Variants in DAPK2 observed in about 807,000 individuals in gnomAD.
DAPK2 encodes the protein death-associated protein kinase 2.
Under a neutral mutation model 44.1 loss-of-function variants are expected in DAPK2, and 35 were observed. The observed-to-expected ratio is 0.79, with a 90% CI of 0.61 to 1.05. The LOEUF is 1.05. Among genes scored for constraint, DAPK2 ranks in the 50% least tolerant of loss-of-function variants. DAPK2 has a pLI of 0.00. For synonymous variants in DAPK2, 174 were observed against 182.6 expected, an observed-to-expected ratio of 0.95 and a Z score of 0.38; for missense variants, 453 against 483.2, an observed-to-expected ratio of 0.94 and a Z score of 0.59.
In DAPK2 at chr15:64,022,398, G is replaced by A. The variant is rs559467465; in HGVS notation, c.92+17772C>T. 6.6e-5 allele frequency among the ~76,000 whole-genome samples: 10 copies of A among 152,312 alleles called. No individual in the cohort carries two copies. The East Asian group carries it at 9.6e-4, about 15-fold the overall frequency. ...GAGCTTCCTAAAGAGAGCATTAGCC[G>A]GAATTAAGGCTTGAGCTAGGATACA... On this transcript the variant is annotated intron_variant, in intron 1 of 10. Coordinates refer to ENST00000261891, the Ensembl canonical transcript of DAPK2.
chr15:63,954,597 T>C (rs932072507), intron 3 of DAPK2, among the ~76,000 whole-genome samples: 11 of 152,232 alleles, frequency 7.2e-5, no homozygotes, highest in African/African-American at 2.7e-4. Flanking sequence ...TCCTCCACTT[T>C]TGTTCTTTTT....
chr15:63,956,938 G>A (rs1354566395), intron 3 of DAPK2, among the ~76,000 whole-genome samples: 1 of 152,194 alleles, frequency 6.6e-6, no homozygotes, highest in African/African-American at 2.4e-5. Flanking sequence ...CCATGCTTGA[G>A]AATGATCCAT....
At chr15:64,015,051 T>C (rs964594026) in intron 1 of DAPK2, among the ~76,000 whole-genome samples, 4 of 151,352 alleles carry the variant, frequency 2.6e-5, no homozygotes, top group Admixed American at 6.6e-5. Context: ...CAGGGAATGA[T>C]GGGGAGGGAG....
At position 63,990,846 on chromosome 15, in the gene DAPK2, T is replaced by C. The variant is rs1469652008; in HGVS notation, c.93-7092A>G. 2.0e-5 allele frequency among the ~76,000 whole-genome samples: 3 copies of C among 152,176 alleles called. No individual in the cohort carries two copies. The highest frequency in any genetic ancestry group is 4.4e-5 in the Non-Finnish European group (3 of 68,040). ...CAAAGGCAGGAGCAGCTCAAAGCTGTAGTCCACAAGAACCAGGTCAGCCTG... is the reference window on the plus strand; with the variant it reads ...CAAAGGCAGGAGCAGCTCAAAGCTGCAGTCCACAAGAACCAGGTCAGCCTG... On this transcript the variant is annotated intron_variant, in intron 1 of 10. Coordinates refer to ENST00000261891, the Ensembl canonical transcript of DAPK2. This position sits in a 1 kb window ranked among gnomAD's most constrained non-coding sequence, Gnocchi z 4.3.
At chr15:63,909,178 C>T (rs554869394) in intron 10 of DAPK2, 4 of 152,248 alleles carry the variant, frequency 2.6e-5, no homozygotes, top group East Asian at 3.9e-4. Context: ...GCAGCCACCC[C>T]GAGGCCATAA....
intron 1 of DAPK2, among the ~76,000 whole-genome samples, chr15:64,032,811 C>T (rs770052785): frequency 5.9e-5 from 9 of 151,868 alleles, no homozygotes; most frequent in Non-Finnish European, 1.2e-4. Flanking sequence ...ATTAGGTGGG[C>T]GTGGTGGTTC....
At chr15:63,944,193 C>T (rs1209986128) in intron 3 of DAPK2, among the ~76,000 whole-genome samples, 1 of 152,244 alleles carries the variant, frequency 6.6e-6, no homozygotes, top group South Asian at 2.1e-4. Context: ...TGGAAGGTGG[C>T]CGTGGGGCAG....
At chr15:64,031,607 G>T (rs1168774309) in intron 1 of DAPK2, among the ~76,000 whole-genome samples, 1 of 152,236 alleles carries the variant, frequency 6.6e-6, no homozygotes, top group Non-Finnish European at 1.5e-5. Flanking sequence ...GCATGTGTAT[G>T]ATCAGAGAGG....
At chr15:64,036,319 G>GTATATATATA (rs57218056) in intron 1 of DAPK2, among the ~76,000 whole-genome samples, 18 of 56,642 alleles carry the variant, frequency 3.2e-4, no homozygotes, top group African/African-American at 6.5e-4. Context: ...GTATATATAT[G>GTATATATATA]TATATATATA....
At chr15:64,041,644 A>G (rs989300790), upstream of DAPK2, among the ~76,000 whole-genome samples, 4 of 152,204 alleles carry the variant, frequency 2.6e-5, no homozygotes, top group Non-Finnish European at 5.9e-5. Flanking sequence ...TGCCAATCAG[A>G]TCCCAACCAC....
Position 63,976,926 on chromosome 15 carries a change from A to G in DAPK2, c.315-5365T>C, listed in dbSNP as rs186372251. Among the ~76,000 whole-genome samples, 23 of 152,348 alleles carry G rather than the reference A, an allele frequency of 1.5e-4. No individual in the cohort carries two copies. In the East Asian group the frequency reaches 4.4e-3, roughly 29 times the overall value. On this transcript the variant is annotated intron_variant, in intron 2 of 10. Coordinates refer to ENST00000261891, the Ensembl canonical transcript of DAPK2. ...GGTTCACATTACATTTCTATTGGACAGCGCCAATAGGCAGGGTATCTCCTC... is the reference window on the plus strand; with the variant it reads ...GGTTCACATTACATTTCTATTGGACGGCGCCAATAGGCAGGGTATCTCCTC...
intron 3 of DAPK2, among the ~76,000 whole-genome samples, chr15:63,963,339 C>T (rs1456117249): frequency 6.6e-6 from 1 of 152,216 alleles, no homozygotes; most frequent in African/African-American, 2.4e-5. Flanking sequence ...GGGCTGCACC[C>T]ACTTTCTGAC....
chr15:64,001,397 C>G (rs758706201), intron 1 of DAPK2, among the ~76,000 whole-genome samples: 24 of 152,206 alleles, frequency 1.6e-4, no homozygotes, highest in Admixed American at 9.8e-4. Context: ...CTCCTCCTAC[C>G]CCGAGATGGG....
chr15:64,009,711 C>T (rs903150292), intron 1 of DAPK2, among the ~76,000 whole-genome samples: 3 of 152,158 alleles, frequency 2.0e-5, no homozygotes, highest in African/African-American at 7.2e-5. Context: ...AAGTTCAGTA[C>T]ACTTAATTGT....
chr15:63,908,796 G>A lies in DAPK2; in HGVS notation c.1033-196C>T, dbSNP rs181524131. ...GATCTGAAACGAGGCCAGACCAACT[G>A]CTTGGAGGAAGGAAAGCAGCAGGGC... On this transcript the variant is annotated intron_variant, in intron 10 of 10. Coordinates refer to ENST00000261891, the Ensembl canonical transcript of DAPK2. This position sits in a 1 kb window ranked among gnomAD's most constrained non-coding sequence, Gnocchi z 5.7. 26 of 411,642 alleles carry A rather than the reference G, an allele frequency of 6.3e-5. 1 individual carries two copies. Among genetic ancestry groups the A allele is most frequent in the African/African-American group, 5.2e-4 (25 of 48,526 alleles). The allele number at this position is 411,642 out of a possible 1,614,324, so 25.5% of individuals were successfully genotyped here. A position where few individuals can be genotyped will look rare whatever the true frequency, so the allele number is the denominator to read the frequency against.
chr15:63,939,307 T>A lies in DAPK2; in HGVS notation c.508A>T (p.Ile170Phe). ...ATTTCGTGAGCCAGACCAAAGTCAA[T>A]CAGCTTGATGTGTGGAATGGGAATA... Residue 170 changes from isoleucine to phenylalanine, a missense_variant, in exon 4 of 11, where the codon ATT becomes TTT. Ile to Phe is a conservative substitution (Grantham distance 21). Transcript: ENST00000261891. The surrounding 1 kb of genome is among the most constrained non-coding windows in gnomAD (Gnocchi z 4.3). 6.2e-7 allele frequency: 1 copy of A among 1,612,884 alleles called. No individual in the cohort carries two copies. The highest frequency in any genetic ancestry group is 8.5e-7 in the Non-Finnish European group (1 of 1,179,898).
intron 6 of DAPK2, chr15:63,928,630 T>C (rs2079393394): frequency 6.6e-6 from 1 of 151,996 alleles, no homozygotes; most frequent in African/African-American, 2.4e-5. Context: ...ATTTTTCTCA[T>C]GAGAAAAACA....
At chr15:63,978,713 G>C (rs2078421665) in intron 2 of DAPK2, among the ~76,000 whole-genome samples, 1 of 152,028 alleles carries the variant, frequency 6.6e-6, no homozygotes, top group Non-Finnish European at 1.5e-5. Context: ...CTCTGCCCTG[G>C]AGCCACCCCC....
chr15:63,923,490 A>T lies in DAPK2; in HGVS notation c.858+1326T>A. The stretch of plus-strand genomic sequence containing the variant: ...TGGGGAGAACCAGGGTGGGATGAGC[A>T]CCTCCTTAGGCCATAAGTGAGGTCA... On this transcript the variant is annotated intron_variant, in intron 8 of 10. Transcript: ENST00000261891. This position sits in a 1 kb window ranked among gnomAD's most constrained non-coding sequence, Gnocchi z 4.2. 2 of 1,408,506 alleles carry T rather than the reference A, an allele frequency of 1.4e-6. No homozygotes were observed. Among genetic ancestry groups the T allele is most frequent in the African/African-American group, 2.9e-5 (2 of 69,236 alleles). 87.3% of individuals were successfully genotyped at this position (1,408,506 alleles called of 1,614,324 possible).
Sources: gnomAD v4.1 joint callset for allele counts (sites outside exome capture counted in the v4.1 genomes callset) on GRCh38, gnomAD v4.1.1 for gene constraint, Gnocchi (gnomAD v3.1) non-coding constraint, MANE v1.5 for transcripts, NCBI Gene and HGNC (gene_info 2026-07-23, HGNC 2026-07-21) for gene names.